Variants in ITGB1 observed in about 807,000 individuals in gnomAD.
The protein encoded by ITGB1 is integrin subunit beta 1, also known as integrin beta-1.
Under a neutral mutation model 86.5 loss-of-function variants are expected in ITGB1, and 24 were observed. The ratio of observed to expected loss-of-function variants is 0.28; its 90% CI spans 0.20 to 0.39. The LOEUF (loss-of-function observed/expected upper bound fraction) is 0.39. Ranked by LOEUF, ITGB1 falls within the 10% of genes least tolerant of loss-of-function variation. ITGB1 has a pLI of 1.00. For synonymous variants in ITGB1, 323 were observed against 316.8 expected (o/e 1.02, Z -0.21); for missense variants, 556 against 946.9 (o/e 0.59, Z 5.42).
intron 1 of ITGB1, chr10:32,935,790 C>T (rs763488280): frequency 9.4e-5 from 38 of 404,836 alleles, no homozygotes; most frequent in Admixed American, 2.3e-4. Context: ...CCCCAGAATC[C>T]ATTCGTGCCT....
chr10:32,915,865 A>G (rs1210208438), intron 11 of ITGB1, among the ~76,000 whole-genome samples: 2 of 152,250 alleles, frequency 1.3e-5, no homozygotes, highest in Admixed American at 6.5e-5. Flanking sequence ...CAACAAAGAA[A>G]GAGAATTTTA....
chr10:32,937,723 T>C (rs2095007459), intron 1 of ITGB1, among the ~76,000 whole-genome samples: 1 of 152,176 alleles, frequency 6.6e-6, no homozygotes, highest in African/African-American at 2.4e-5. Flanking sequence ...ATATGCACAA[T>C]ATAAAGACAA....
intron 11 of ITGB1, among the ~76,000 whole-genome samples, chr10:32,916,830 G>C (rs1474911642): frequency 1.3e-4 from 20 of 152,214 alleles, no homozygotes; most frequent in Non-Finnish European, 2.4e-4. Flanking sequence ...TCATAGAATT[G>C]GAAAAAACTA....
intron 15 of ITGB1, among the ~76,000 whole-genome samples, chr10:32,904,583 G>A (rs2094891127): frequency 6.6e-6 from 1 of 152,112 alleles, no homozygotes; most frequent in African/African-American, 2.4e-5. Context: ...AGTAATTAGC[G>A]CCTGCCCATT....
chr10:32,954,991 C>CT (rs199890065), intron 1 of ITGB1, among the ~76,000 whole-genome samples: 5 of 151,490 alleles, frequency 3.3e-5, no homozygotes, highest in South Asian at 2.1e-4. Flanking sequence ...AAGAGAGAAA[C>CT]TTTTTTTTTC....
intron 1 of ITGB1, chr10:32,957,670 C>G (rs926423080): frequency 2.6e-5 from 4 of 152,222 alleles, no homozygotes; most frequent in African/African-American, 9.7e-5. Context: ...CAGCAGCTCG[C>G]GAGGGAGCGA....
intron 11 of ITGB1, among the ~76,000 whole-genome samples, chr10:32,914,670 C>A (rs1456363247): frequency 1.3e-5 from 2 of 152,056 alleles, no homozygotes; most frequent in African/African-American, 4.8e-5. Flanking sequence ...TAAAGCAGGT[C>A]CTGAGAGACC....
chr10:32,945,589 ACT>A lies in ITGB1; in HGVS notation c.1-10033_1-10032del, dbSNP rs1436737070. Among the ~76,000 whole-genome samples, 4 of 149,996 alleles carry A rather than the reference ACT, an allele frequency of 2.7e-5. No individual in the cohort carries two copies. In the East Asian group the frequency reaches 5.8e-4, roughly 22 times the overall value. ...ACTCCAGCCTGGGCGACAGACCGAG[ACT>A]CTGTCTCAAAAAAAAAAGATTAAGT... On this transcript the variant is annotated intron_variant, in intron 1 of 15. Transcript: ENST00000302278.
intron 11 of ITGB1, among the ~76,000 whole-genome samples, chr10:32,913,772 C>A (rs908059801): frequency 6.6e-6 from 1 of 152,126 alleles, no homozygotes; most frequent in East Asian, 1.9e-4. Flanking sequence ...ACTTCCCCAA[C>A]CTAGCAAGGC....
At chr10:32,912,695 C>G (rs569215940) in intron 11 of ITGB1, among the ~76,000 whole-genome samples, 32 of 152,332 alleles carry the variant, frequency 2.1e-4, no homozygotes, top group Admixed American at 2.0e-3. Flanking sequence ...CATTGCAGCT[C>G]AAGGAGGCCT....
intron 5 of ITGB1, 120 bp from the exon 6 acceptor site, chr10:32,926,229 T>C: frequency 1.3e-6 from 1 of 742,744 alleles, no homozygotes; most frequent in South Asian, 1.8e-5. Context: ...GGACTGAATG[T>C]CTGTGTTACC....
At position 32,930,132 on chromosome 10, in the gene ITGB1, CA is replaced by C. The variant is rs1031727644; in HGVS notation, c.154-89del. On this transcript the variant is annotated intron_variant, in intron 3 of 15. Coordinates refer to ENST00000302278, the MANE Select transcript of ITGB1 (RefSeq NM_002211.4). ...TAATTGCAAATAAGCAATTAAATTGCAAAACATCAAATCACATCTAATGTAC... is the reference window on the plus strand; with the variant it reads ...TAATTGCAAATAAGCAATTAAATTGCAAACATCAAATCACATCTAATGTAC... 30 of 688,412 alleles carry C rather than the reference CA, an allele frequency of 4.4e-5. No individual in the cohort carries two copies. The African/African-American group carries it at 5.2e-4, about 12-fold the overall frequency. The allele number at this position is 688,412 out of a possible 1,614,324, so 42.6% of individuals were successfully genotyped here.
chr10:32,944,520 T>C (rs2095026725), intron 1 of ITGB1: 1 of 420,994 alleles, frequency 2.4e-6, no homozygotes, highest in Non-Finnish European at 4.6e-6. Context: ...AGGATCAACA[T>C]GCTGCGGGGC....
chr10:32,938,824 C>T (rs2095010655), intron 1 of ITGB1, among the ~76,000 whole-genome samples: 2 of 152,148 alleles, frequency 1.3e-5, no homozygotes, highest in Non-Finnish European at 1.5e-5. Flanking sequence ...GAGGATGACT[C>T]CAATTAAGAA....
intron 15 of ITGB1, 102 bp from the exon 16 acceptor site, chr10:32,901,737 G>A: frequency 1.4e-6 from 1 of 716,786 alleles, no homozygotes; most frequent in East Asian, 2.8e-5. Context: ...ATCTTAAGAA[G>A]TCATTTCTAT....
intron 15 of ITGB1, among the ~76,000 whole-genome samples, chr10:32,903,134 T>C (rs2094886185): frequency 6.6e-6 from 1 of 151,654 alleles, no homozygotes; most frequent in Non-Finnish European, 1.5e-5. Context: ...GGTGGATCAC[T>C]TTTGGTGAGG....
intron 13 of ITGB1, 137 bp from the exon 14 acceptor site, chr10:32,910,592 G>A (rs984268560): frequency 2.2e-5 from 12 of 557,928 alleles, no homozygotes; most frequent in Admixed American, 7.1e-5. Context: ...TAAATGAAGA[G>A]GAACATTACA....
At position 32,912,499 on chromosome 10, in the gene ITGB1, G is replaced by A. The variant is rs573128570; in HGVS notation, c.1470-375C>T. Among the ~76,000 whole-genome samples, 11 of 152,288 alleles carry A rather than the reference G, an allele frequency of 7.2e-5. No individual in the cohort carries two copies. The East Asian group carries it at 7.7e-4, about 11-fold the overall frequency. The stretch of plus-strand genomic sequence containing the variant: ...ACGGAACACCAGAAGATTATATCCC[G>A]CGCCTGGCTCAGAGGGTCCCATGCC... On this transcript the variant is annotated intron_variant, in intron 11 of 15. Coordinates refer to ENST00000302278, the MANE Select transcript of ITGB1 (RefSeq NM_002211.4).
At chr10:32,925,667 G>A (rs1212089391) in intron 6 of ITGB1, among the ~76,000 whole-genome samples, 2 of 152,188 alleles carry the variant, frequency 1.3e-5, no homozygotes, top group African/African-American at 2.4e-5. Context: ...AACTAACTGT[G>A]TGGTTTGCAT....
Sources: gnomAD v4.1 joint callset for allele counts (sites outside exome capture counted in the v4.1 genomes callset) on GRCh38, gnomAD v4.1.1 for gene constraint, MANE v1.5 for transcripts, NCBI Gene and HGNC (gene_info 2026-07-23, HGNC 2026-07-21) for gene names.